The following SYN1 variants were observed in gnomAD, a reference collection of about 807,000 sequenced individuals.
SYN1 encodes synapsin I.
Under a neutral mutation model 44.6 loss-of-function variants are expected in SYN1, and 8 were observed. The ratio of observed to expected loss-of-function variants is 0.18; its 90% CI spans 0.11 to 0.32. SYN1 has a LOEUF of 0.32. Ranked by LOEUF, SYN1 falls within the 10% of genes least tolerant of loss-of-function variation. The pLI is 1.00. For missense variants in SYN1, 451 were observed against 639.4 expected (o/e 0.71, Z 3.18); for synonymous variants, 275 against 280.1 (o/e 0.98, Z 0.18).
At chrX:47,585,589 G>A (rs2057821090) in intron 5 of SYN1, 1 of 1,198,906 alleles carries the variant, frequency 8.3e-7, no homozygotes, top group Non-Finnish European at 1.1e-6. Context: ...GCAGTTTTGT[G>A]GCTCCCTGGA....
rs41454248 is a variant in SYN1, at chrX:47,585,524, G to A, written c.775-8023C>T. ...AATCACAAGCTGCTTGTCGGTCCCC[G>A]CCCCGCCTTTCTCCTTAGGAAAACT... is the stretch of plus-strand genomic sequence containing the variant. On this transcript the variant is annotated intron_variant, in intron 5 of 12. Coordinates refer to ENST00000295987, the MANE Select transcript of SYN1 (RefSeq NM_006950.3). 6.1e-3 allele frequency: 7,340 copies of A among 1,196,994 alleles called. 174 individuals are homozygous for A. In the Admixed American group the frequency reaches 0.092, roughly 15 times the overall value.
intron 5 of SYN1, among the ~76,000 whole-genome samples, chrX:47,601,014 A>G (rs1215926751): frequency 1.8e-5 from 2 of 112,013 alleles, no homozygotes; most frequent in East Asian, 5.5e-4. Flanking sequence ...GTCCAAAGCA[A>G]GCACAAGGAA....
rs759581636 is a variant in SYN1, at chrX:47,588,827, G to A, written c.775-11326C>T. Among the ~76,000 whole-genome samples, 15 of 111,872 alleles carry A rather than the reference G, an allele frequency of 1.3e-4. No individual in the cohort carries two copies. The East Asian group carries it at 4.2e-3, about 32-fold the overall frequency. ...TCACAGCCATGTGGTATTCAGCATG[G>A]GACCCAGCTCAGTGGGGAGCCTGGG... On this transcript the variant is annotated intron_variant, in intron 5 of 12. Transcript: ENST00000295987.
chrX:47,602,466 A>T (rs897968662), intron 5 of SYN1, among the ~76,000 whole-genome samples: 2 of 111,038 alleles, frequency 1.8e-5, no homozygotes, highest in Non-Finnish European at 3.8e-5. Context: ...ACATGGTGAA[A>T]CCCCTTTTCT....
intron 5 of SYN1, among the ~76,000 whole-genome samples, chrX:47,578,769 G>T (rs1357850223): frequency 9.0e-6 from 1 of 111,718 alleles, no homozygotes; most frequent in Admixed American, 9.4e-5. Context: ...TAGAGAGATG[G>T]CATTCCCGGA....
At chrX:47,578,670 C>T (rs1254420476) in intron 5 of SYN1, among the ~76,000 whole-genome samples, 2 of 111,559 alleles carry the variant, frequency 1.8e-5, no homozygotes, top group Admixed American at 9.4e-5. Context: ...CCAGGTTGGA[C>T]GGCCCTAGGC....
At chrX:47,608,247 GAA>G (rs1447793299) in intron 1 of SYN1, among the ~76,000 whole-genome samples, 3 of 5,325 alleles carry the variant, frequency 5.6e-4, no homozygotes, top group Non-Finnish European at 7.8e-4. Flanking sequence ...AGGAAGGAAG[GAA>G]GGAAGGAAGG....
At chrX:47,588,388 T>C (rs1285361004) in intron 5 of SYN1, among the ~76,000 whole-genome samples, 1 of 112,730 alleles carries the variant, frequency 8.9e-6, no homozygotes, top group Non-Finnish European at 1.9e-5. Flanking sequence ...CTTAAGCTGC[T>C]CCCTGGCCTC....
At position 47,585,028 on chromosome X, in the gene SYN1, C is replaced by T. The variant is rs746721695; in HGVS notation, c.775-7527G>A. On this transcript the variant is annotated intron_variant, in intron 5 of 12. Transcript: ENST00000295987. ...CAAGATGACCAAGGTATCCCCTGCCCCCGCCTCTTTCCCAGCATTTTCTAA... is the reference window on the plus strand; with the variant it reads ...CAAGATGACCAAGGTATCCCCTGCCTCCGCCTCTTTCCCAGCATTTTCTAA... 4.2e-5 allele frequency: 50 copies of T among 1,204,645 alleles called. No individual in the cohort carries two copies. In the South Asian group the frequency reaches 8.9e-4, roughly 21 times the overall value.
Position 47,577,641 on chromosome X carries a change from G to A in SYN1, c.775-140C>T, listed in dbSNP as rs185692888. ...GGACACACAGGTCAGAGACAGGCAGGCAGCAGCTGGGGGTCACACAGTGTC... is the reference window on the plus strand; with the variant it reads ...GGACACACAGGTCAGAGACAGGCAGACAGCAGCTGGGGGTCACACAGTGTC... On this transcript the variant is annotated intron_variant, in intron 5 of 12. Transcript: ENST00000295987. 781 of 539,930 alleles carry A rather than the reference G, an allele frequency of 1.4e-3. 8 individuals are homozygous for A. The African/African-American group carries it at 0.016, about 11-fold the overall frequency. The allele number at this position is 539,930 out of a possible 1,213,427, so 44.5% of individuals were successfully genotyped here.
At chrX:47,606,556 C>G (rs886528001) in intron 3 of SYN1, among the ~76,000 whole-genome samples, 86 of 108,048 alleles carry the variant, frequency 8.0e-4, no homozygotes, top group Non-Finnish European at 9.8e-4. Flanking sequence ...AGGACCCCCC[C>G]CATCTCTACA....
chrX:47,586,276 C>T (rs2057825950), intron 5 of SYN1: 10 of 754,508 alleles, frequency 1.3e-5, no homozygotes, highest in Non-Finnish European at 1.6e-5. Context: ...AGGCGACCTG[C>T]CTGACTGACC....
At chrX:47,582,430 C>T in intron 5 of SYN1, 1 of 249,062 alleles carries the variant, frequency 4.0e-6, no homozygotes, top group Non-Finnish European at 8.0e-6. Flanking sequence ...GCGCTCAGGC[C>T]CTGCCGCCAT....
chrX:47,586,094 A>T (rs2057824926), intron 5 of SYN1: 1 of 944,733 alleles, frequency 1.1e-6, no homozygotes, highest in Non-Finnish European at 1.3e-6. Context: ...AGGGTGTTAC[A>T]CTGACCTCCT....
At chrX:47,573,028 A>G in intron 12 of SYN1, 29 bp from the exon 13 acceptor site, 1 of 1,207,474 alleles carries the variant, frequency 8.3e-7, no homozygotes, top group Non-Finnish European at 1.1e-6. Context: ...GAGGCGTGGG[A>G]GGAAGGGGGA....
chrX:47,615,579 C>T (rs758917836), intron 1 of SYN1, among the ~76,000 whole-genome samples: 40 of 112,196 alleles, frequency 3.6e-4, no homozygotes, highest in Non-Finnish European at 6.9e-4. Flanking sequence ...AAGTGAAATG[C>T]TGGTCATAAG....
rs748944322 is a variant in SYN1 at position 47,576,725 on chromosome X, T to C, written c.838-85A>G. ...GGGTGCCTGGGGGAGCATGTATACA[T>C]GACACACAGGTGAGGCGAGTACACA... is the stretch of plus-strand genomic sequence containing the variant. On this transcript the variant is annotated intron_variant, in intron 6 of 12. Coordinates refer to ENST00000295987, the MANE Select transcript of SYN1 (RefSeq NM_006950.3). The C allele has an allele frequency of 4.9e-5, 56 of 1,142,954 alleles. No homozygotes were observed. In the African/African-American group the frequency reaches 9.5e-4, roughly 19 times the overall value. 94.2% of individuals were successfully genotyped at this position (1,142,954 alleles called of 1,213,427 possible). A position where few individuals can be genotyped will look rare whatever the true frequency, so the allele number is the denominator to read the frequency against.
At chrX:47,608,886 GAC>G (rs34092010) in intron 1 of SYN1, among the ~76,000 whole-genome samples, 2,546 of 89,287 alleles carry the variant, frequency 0.029, 41 homozygotes, top group African/African-American at 0.049. Context: ...GTCTTGGACA[GAC>G]ACACACACAC....
intron 5 of SYN1, chrX:47,586,168 G>A: frequency 3.2e-6 from 3 of 951,720 alleles, no homozygotes; most frequent in South Asian, 2.7e-5. Context: ...CTATCTTGAA[G>A]CCCCACTGGC....
Sources: gnomAD v4.1 joint callset for allele counts (sites outside exome capture counted in the v4.1 genomes callset) on GRCh38, gnomAD v4.1.1 for gene constraint, MANE v1.5 for transcripts, NCBI Gene and HGNC (gene_info 2026-07-23, HGNC 2026-07-21) for gene names.